CBLN2: variants seen among roughly 807,000 people sequenced by gnomAD.
The protein encoded by CBLN2 is cerebellin-2.
CBLN2 carries 7 observed loss-of-function variants against 15.0 expected under a neutral mutation model. The ratio of observed to expected loss-of-function variants is 0.47; its 90% confidence interval spans 0.27 to 0.88. CBLN2 has a LOEUF of 0.88. CBLN2 is among the 40% of genes least tolerant of loss of function. CBLN2 has a pLI of 0.14. For missense variants in CBLN2, 242 were observed against 304.5 expected, an observed-to-expected ratio of 0.79 and a Z score of 1.53; for synonymous variants, 149 against 135.2, an observed-to-expected ratio of 1.10 and a Z score of -0.71.
chr18:72,586,630 T>C, intron 1 of CBLN2, among the ~76,000 whole-genome samples: 1 of 152,204 alleles, frequency 6.6e-6, no homozygotes, highest in East Asian at 1.9e-4. Flanking sequence ...GAACATTTTA[T>C]TGATTCGTTC....
At chr18:72,618,918 T>C in intron 1 of CBLN2, 4 of 732,496 alleles carry the variant, frequency 5.5e-6, no homozygotes, top group South Asian at 4.0e-5. Flanking sequence ...ACTTTGGTCA[T>C]GGAGGAAACT....
At chr18:72,558,304 G>A (rs2069239212) in intron 1 of CBLN2, among the ~76,000 whole-genome samples, 1 of 152,118 alleles carries the variant, frequency 6.6e-6, no homozygotes, top group Admixed American at 6.5e-5. Flanking sequence ...TGTCACTGAT[G>A]GGGGATACCC....
At chr18:72,614,663 C>T (rs191735642) in intron 1 of CBLN2, among the ~76,000 whole-genome samples, 63 of 152,118 alleles carry the variant, frequency 4.1e-4, no homozygotes, top group African/African-American at 1.4e-3. Flanking sequence ...TCTAGGTTGT[C>T]AAATGTAAAA....
chr18:72,603,691 T>C (rs1475906663), intron 1 of CBLN2, among the ~76,000 whole-genome samples: 1 of 152,200 alleles, frequency 6.6e-6, no homozygotes, highest in African/African-American at 2.4e-5. Context: ...CTAGACGTTC[T>C]CTCTGAAATG....
chr18:72,564,358 A>C (rs2069280900), intron 1 of CBLN2, among the ~76,000 whole-genome samples: 1 of 152,170 alleles, frequency 6.6e-6, no homozygotes, highest in South Asian at 2.1e-4. Flanking sequence ...ATATCATAAA[A>C]AGGAACCAAA....
chr18:72,546,008 A>G (rs2069155366), upstream of CBLN2, among the ~76,000 whole-genome samples: 1 of 152,248 alleles, frequency 6.6e-6, no homozygotes, highest in African/African-American at 2.4e-5. Flanking sequence ...GAAAAAAGCT[A>G]TAAGCATTCT....
intron 1 of CBLN2, among the ~76,000 whole-genome samples, chr18:72,607,879 C>CT (rs147301537): frequency 6.6e-6 from 1 of 152,158 alleles, no homozygotes; most frequent in Non-Finnish European, 1.5e-5. Context: ...ACATTACAAA[C>CT]TTTTTTTCTA....
rs977525322 is a variant in CBLN2 at position 72,559,205 on chromosome 18, C to T, written c.16-20433G>A. Reference sequence around the variant, plus strand: ...TTGCTCCGGGTCTCAGGCAGCAATGCACTTGATGTTTTGTGACCTGCAATA... The same window carrying T: ...TTGCTCCGGGTCTCAGGCAGCAATGTACTTGATGTTTTGTGACCTGCAATA... On this transcript the variant is annotated intron_variant, in intron 1 of 2. Transcript: ENST00000581073. Among the ~76,000 whole-genome samples, 3 of 152,350 alleles carry T rather than the reference C, an allele frequency of 2.0e-5. No individual in the cohort carries two copies. In the Middle Eastern group the frequency reaches 0.01, roughly 518 times the overall value.
intron 1 of CBLN2, among the ~76,000 whole-genome samples, chr18:72,551,141 T>C (rs929355006): frequency 1.1e-4 from 16 of 152,222 alleles, no homozygotes; most frequent in Middle Eastern, 3.4e-3. Flanking sequence ...ATTTAAACAT[T>C]GATAAATTTA....
intron 1 of CBLN2, among the ~76,000 whole-genome samples, chr18:72,581,002 A>C (rs1477205997): frequency 6.6e-6 from 1 of 152,114 alleles, no homozygotes; most frequent in East Asian, 1.9e-4. Context: ...CCCACCCTTG[A>C]TATCTGACCA....
At position 72,538,257 on chromosome 18, in the gene CBLN2, C is replaced by A. The variant is rs924226295; in HGVS notation, c.594G>T (p.Val198=). The stretch of plus-strand genomic sequence containing the variant: ...GGTTGCCTCTCTCAAGTTTGAGATG[C>A]ACTTTGTCTTCCCTTTCCATGAGCA... ...VLLLMEREDK[V]HLKLERGNLM... Residue 198 remains valine, a synonymous_variant, in exon 5 of 5, where the codon GTG becomes GTT. Coordinates refer to ENST00000269503, the MANE Select transcript of CBLN2 (RefSeq NM_182511.4). 1.2e-6 allele frequency: 2 copies of A among 1,614,188 alleles called. No individual in the cohort carries two copies. The highest frequency in any genetic ancestry group is 3.3e-5 in the Admixed American group (2 of 60,020).
Position 72,542,175 on chromosome 18 carries a change from G to A in CBLN2, c.-15C>T. 1.6e-6 allele frequency: 2 copies of A among 1,216,536 alleles called. No homozygotes were observed. The highest frequency in any genetic ancestry group is 2.0e-6 in the Non-Finnish European group (2 of 980,040). The allele number at this position is 1,216,536 out of a possible 1,614,324, so 75.4% of individuals were successfully genotyped here. Reference sequence around the variant, plus strand: ...GGCGCCTGCATCGGGACTGGTGGGAGGCGGCGCGCGGGGGTGGAGGCCGGC... The same window carrying A: ...GGCGCCTGCATCGGGACTGGTGGGAAGCGGCGCGCGGGGGTGGAGGCCGGC... On this transcript the variant is annotated 5_prime_UTR_variant, in exon 3 of 5. Coordinates refer to ENST00000269503, the MANE Select transcript of CBLN2 (RefSeq NM_182511.4).
At chr18:72,577,668 G>A (rs554695988) in intron 1 of CBLN2, among the ~76,000 whole-genome samples, 5 of 152,314 alleles carry the variant, frequency 3.3e-5, no homozygotes, top group South Asian at 2.1e-4. Context: ...TCCCAGGTAC[G>A]CTCTGGCCTG....
chr18:72,610,657 C>A lies in CBLN2; in HGVS notation c.15+27668G>T, dbSNP rs570079417. On this transcript the variant is annotated intron_variant, in intron 1 of 2. Transcript: ENST00000581073. Reference sequence around the variant, plus strand: ...AAGCAATGTAGAAATCAATAAGGAGCATCCCTCCTTTATAGCAGTTCCAAG... The same window carrying A: ...AAGCAATGTAGAAATCAATAAGGAGAATCCCTCCTTTATAGCAGTTCCAAG... Among the ~76,000 whole-genome samples, 13 of 152,268 alleles carry A rather than the reference C, an allele frequency of 8.5e-5. No individual in the cohort carries two copies. The South Asian group carries it at 2.7e-3, about 32-fold the overall frequency.
At chr18:72,598,405 A>T (rs1378754948) in intron 1 of CBLN2, among the ~76,000 whole-genome samples, 2 of 152,194 alleles carry the variant, frequency 1.3e-5, no homozygotes, top group Admixed American at 6.5e-5. Flanking sequence ...TACTGTGGCT[A>T]AGCTGGTATC....
intron 3 of CBLN2, among the ~76,000 whole-genome samples, chr18:72,541,493 T>C (rs1416037295): frequency 6.6e-6 from 1 of 152,234 alleles, no homozygotes; most frequent in Admixed American, 6.5e-5. Context: ...GTGCAATGCT[T>C]CCTTTTGGGA....
At chr18:72,596,236 A>G (rs1057088604) in intron 1 of CBLN2, among the ~76,000 whole-genome samples, 1 of 152,066 alleles carries the variant, frequency 6.6e-6, no homozygotes, top group Non-Finnish European at 1.5e-5. Flanking sequence ...TTTATTGCCC[A>G]TGATTTGAAA....
intron 1 of CBLN2, among the ~76,000 whole-genome samples, chr18:72,594,512 T>G (rs1327477345): frequency 3.9e-5 from 6 of 151,992 alleles, no homozygotes; most frequent in African/African-American, 7.2e-5. Context: ...AAAATGAATC[T>G]CGAAATATTT....
At chr18:72,545,468 T>C (rs956340564), upstream of CBLN2, among the ~76,000 whole-genome samples, 2 of 152,242 alleles carry the variant, frequency 1.3e-5, no homozygotes, top group Non-Finnish European at 2.9e-5. Context: ...TTTTGTACCA[T>C]GCTGGAGATA....
Sources: gnomAD v4.1 joint callset for allele counts (sites outside exome capture counted in the v4.1 genomes callset) on GRCh38, gnomAD v4.1.1 for gene constraint, MANE v1.5 for transcripts, NCBI Gene and HGNC (gene_info 2026-07-23, HGNC 2026-07-21) for gene names.